The following RSF1 variants were observed in gnomAD, a reference collection of about 807,000 sequenced individuals.
RSF1 encodes HBV pX-associated protein 8.
In RSF1, 13 loss-of-function variants were observed where a neutral mutation model predicts 145.2. That is an observed-to-expected ratio of 0.09 (90% CI 0.06 to 0.14). The LOEUF (loss-of-function observed/expected upper bound fraction) is 0.14. RSF1 is among the 10% of genes least tolerant of loss of function. The probability of loss-of-function intolerance (pLI) is 1.00; values close to 1 mark genes in which losing one functional copy is unlikely to be tolerated. For synonymous variants in RSF1, 577 were observed against 592.6 expected (o/e 0.97, Z 0.38); for missense variants, 1,517 against 1,718.2 (o/e 0.88, Z 2.07).
At chr11:77,719,809 T>C (rs1196585463) in intron 5 of RSF1, among the ~76,000 whole-genome samples, 1 of 152,214 alleles carries the variant, frequency 6.6e-6, no homozygotes, top group Non-Finnish European at 1.5e-5. Context: ...TGTTGTAATA[T>C]TTAGCATATG....
At chr11:77,764,261 A>C (rs1218850774) in intron 2 of RSF1, 2 of 211,958 alleles carry the variant, frequency 9.4e-6, no homozygotes, top group Non-Finnish European at 1.8e-5. Flanking sequence ...ATGTGAACTA[A>C]AGTAAAAATG....
intron 13 of RSF1, 39 bp from the exon 14 acceptor site, chr11:77,675,295 G>A (rs746691673): frequency 1.3e-6 from 2 of 1,527,986 alleles, no homozygotes; most frequent in African/African-American, 1.4e-5. Flanking sequence ...ATGGTATTTA[G>A]AAGAGTGAAC....
At position 77,660,172 on chromosome 11, in the gene RSF1, G is replaced by A. The variant is rs1337709540; in HGVS notation, c.*6745C>T. On this transcript the variant is annotated 3_prime_UTR_variant, in exon 16 of 16. Transcript: ENST00000308488. ...CACCAAGAGTTCTGATCAGACTGTA[G>A]TGAGACACTGAACATTTCATTAACA... The A allele has an allele frequency of 5.3e-5, 8 of 152,246 alleles. No homozygotes were observed. In the East Asian group the frequency reaches 1.5e-3, roughly 29 times the overall value. 9.4% of individuals were successfully genotyped at this position (152,246 alleles called of 1,614,324 possible).
intron 2 of RSF1, among the ~76,000 whole-genome samples, chr11:77,760,454 C>T (rs1432000234): frequency 6.6e-6 from 1 of 152,136 alleles, no homozygotes; most frequent in Non-Finnish European, 1.5e-5. Flanking sequence ...AGGCTTCTTA[C>T]TGAGATGTTA....
At chr11:77,771,413 G>C (rs1480154285) in intron 1 of RSF1, among the ~76,000 whole-genome samples, 1 of 152,138 alleles carries the variant, frequency 6.6e-6, no homozygotes, top group African/African-American at 2.4e-5. Context: ...AAAAGGAAAT[G>C]CATGTATGAA....
chr11:77,814,110 G>C (rs1318660804), intron 1 of RSF1, among the ~76,000 whole-genome samples: 2 of 151,668 alleles, frequency 1.3e-5, no homozygotes, highest in African/African-American at 2.4e-5. Flanking sequence ...TGAGGCAGGA[G>C]AATCACTTGA....
chr11:77,786,619 G>A (rs532978408), intron 1 of RSF1, among the ~76,000 whole-genome samples: 120 of 152,154 alleles, frequency 7.9e-4, no homozygotes, highest in African/African-American at 2.7e-3. Flanking sequence ...AATATACAGT[G>A]GGGAATAAAA....
chr11:77,826,693 CTGTA>C, the RSF1 span, among the ~76,000 whole-genome samples: 1 of 152,216 alleles, frequency 6.6e-6, no homozygotes, highest in South Asian at 2.1e-4. Flanking sequence ...GACCCTATAA[CTGTA>C]TGCCTGCAAA....
chr11:77,815,456 T>C (rs1948772619), intron 1 of RSF1, among the ~76,000 whole-genome samples: 1 of 152,214 alleles, frequency 6.6e-6, no homozygotes, highest in Non-Finnish European at 1.5e-5. Flanking sequence ...TTTTATTAAA[T>C]CTAACAACAC....
intron 5 of RSF1, among the ~76,000 whole-genome samples, chr11:77,723,914 C>T (rs143829560): frequency 6.6e-6 from 1 of 152,222 alleles, no homozygotes; most frequent in African/African-American, 2.4e-5. Context: ...GGTTTCTTTC[C>T]TTTTGAAGAG....
chr11:77,847,130 G>A, the RSF1 span, among the ~76,000 whole-genome samples: 9 of 152,182 alleles, frequency 5.9e-5, no homozygotes, highest in Non-Finnish European at 7.4e-5. Context: ...ATTTGCCCAC[G>A]GGTGGAATTT....
chr11:77,809,169 A>G (rs1948707869), intron 1 of RSF1, among the ~76,000 whole-genome samples: 1 of 152,206 alleles, frequency 6.6e-6, no homozygotes, highest in African/African-American at 2.4e-5. Context: ...TTACCTTTCT[A>G]AATAGTTTCC....
Position 77,676,875 on chromosome 11 carries a change from C to T in RSF1, c.3258G>A (p.Lys1086=). Residue 1086 remains lysine (K), a synonymous_variant, in exon 13 of 16, where the codon AAG becomes AAA. Coordinates refer to ENST00000308488, the MANE Select transcript of RSF1 (RefSeq NM_016578.4). ...RPQRAAAARR[K]KRRRLNDLDS... ...CCAGATCATTTAATCGCCGGCGTTTCTTCCTTCGAGCAGCAGCTGCCCTCT... is the reference window on the plus strand; with the variant it reads ...CCAGATCATTTAATCGCCGGCGTTTTTTCCTTCGAGCAGCAGCTGCCCTCT... The T allele has an allele frequency of 6.2e-7, 1 of 1,614,096 alleles. No homozygotes were observed. Among genetic ancestry groups the T allele is most frequent in the Middle Eastern group, 1.7e-4 (1 of 6,058 alleles).
the RSF1 span, chr11:77,868,982 C>T: frequency 3.4e-6 from 1 of 297,374 alleles, no homozygotes. Flanking sequence ...ATGCCAACAG[C>T]ACGTTGGGTA....
chr11:77,799,429 G>C (rs989515779), intron 1 of RSF1, among the ~76,000 whole-genome samples: 2 of 150,636 alleles, frequency 1.3e-5, no homozygotes, highest in African/African-American at 2.4e-5. Context: ...TTGAGATCAG[G>C]AGAGGTCGAG....
At chr11:77,712,075 AAG>A (rs1443553777) in intron 5 of RSF1, among the ~76,000 whole-genome samples, 2 of 152,214 alleles carry the variant, frequency 1.3e-5, no homozygotes, top group Non-Finnish European at 2.9e-5. Context: ...GCTTTGTATA[AAG>A]AGTTACATGA....
intron 2 of RSF1, among the ~76,000 whole-genome samples, chr11:77,759,545 A>G (rs2135932974): frequency 6.6e-6 from 1 of 152,108 alleles, no homozygotes; most frequent in East Asian, 1.9e-4. Context: ...TTAGCCAGGC[A>G]TGGTGGCGTG....
At chr11:77,798,581 TAAAAAAAAAAAAAAAAAAAAAAAAA>T (rs543236647) in intron 1 of RSF1, among the ~76,000 whole-genome samples, 26 of 24,496 alleles carry the variant, frequency 1.1e-3, no homozygotes, top group Admixed American at 2.4e-3. Context: ...GACTCCATCT[TAAAAAAAAAAAAAAAAAAAAAAAAA>T]AAAAAAAAAA....
At chr11:77,858,948 A>G in the RSF1 span, among the ~76,000 whole-genome samples, 1 of 152,140 alleles carries the variant, frequency 6.6e-6, no homozygotes, top group Non-Finnish European at 1.5e-5. Flanking sequence ...GCAGGGGATT[A>G]TTTCTTTGGC....
Sources: gnomAD v4.1 joint callset for allele counts (sites outside exome capture counted in the v4.1 genomes callset) on GRCh38, gnomAD v4.1.1 for gene constraint, MANE v1.5 for transcripts, NCBI Gene and HGNC (gene_info 2026-07-23, HGNC 2026-07-21) for gene names.